SPTLC2: variants seen among roughly 807,000 people sequenced by gnomAD.
SPTLC2 encodes the protein serine palmitoyltransferase long chain base subunit 2.
In SPTLC2, 21 loss-of-function variants were observed where a neutral mutation model predicts 62.0. The observed-to-expected ratio is 0.34, with a 90% confidence interval of 0.24 to 0.49. The LOEUF is 0.49. SPTLC2 is among the 20% of genes least tolerant of loss of function. The pLI, the probability that SPTLC2 is intolerant of heterozygous loss-of-function variation, is 0.99. For missense variants in SPTLC2, 511 were observed against 713.0 expected, an observed-to-expected ratio of 0.72 and a Z score of 3.23; for synonymous variants, 261 against 261.8, an observed-to-expected ratio of 1.00 and a Z score of 0.03.
At chr14:77,560,670 A>G (rs1306499177) in intron 6 of SPTLC2, among the ~76,000 whole-genome samples, 1 of 151,926 alleles carries the variant, frequency 6.6e-6, no homozygotes, top group Non-Finnish European at 1.5e-5. Context: ...ATGGAATACT[A>G]TGTAGCCATA....
At chr14:77,517,348 G>A (rs1418986424) in intron 11 of SPTLC2, among the ~76,000 whole-genome samples, 2 of 152,120 alleles carry the variant, frequency 1.3e-5, no homozygotes, top group Non-Finnish European at 2.9e-5. Context: ...ACTCCCAGAT[G>A]GCAATAATGA....
chr14:77,557,621 G>A (rs757970269), intron 6 of SPTLC2, among the ~76,000 whole-genome samples: 2 of 152,184 alleles, frequency 1.3e-5, no homozygotes, highest in East Asian at 1.9e-4. Context: ...TTCACAGTGC[G>A]TGCTCCATTT....
chr14:77,517,670 G>A (rs1212087006), intron 11 of SPTLC2, among the ~76,000 whole-genome samples: 1 of 152,202 alleles, frequency 6.6e-6, no homozygotes, highest in Non-Finnish European at 1.5e-5. Flanking sequence ...CCTTTAAATG[G>A]AGATGTGAAG....
At chr14:77,566,160 C>A (rs2079643862) in intron 5 of SPTLC2, among the ~76,000 whole-genome samples, 1 of 151,876 alleles carries the variant, frequency 6.6e-6, no homozygotes. Context: ...TTTTTTCTGG[C>A]AAAAAGGAAC....
intron 2 of SPTLC2, among the ~76,000 whole-genome samples, chr14:77,588,323 CTTAAA>C (rs915527308): frequency 4.9e-4 from 75 of 152,256 alleles, no homozygotes; most frequent in Admixed American, 4.5e-3. Context: ...TGTTTCAAAA[CTTAAA>C]TTAAGAATTT....
chr14:77,578,790 A>G (rs896597255), intron 3 of SPTLC2, 165 bp downstream of exon 3: 6 of 665,122 alleles, frequency 9.0e-6, no homozygotes, highest in Non-Finnish European at 1.5e-5. Flanking sequence ...AGAAAGATAT[A>G]TCTTAAAAAG....
intron 10 of SPTLC2, among the ~76,000 whole-genome samples, chr14:77,520,763 G>A (rs1000152087): frequency 8.5e-5 from 13 of 152,154 alleles, no homozygotes; most frequent in African/African-American, 2.9e-4. Context: ...AAAGAAGCTG[G>A]TGTAATCTGC....
chr14:77,566,589 C>A (rs150965546), intron 5 of SPTLC2, among the ~76,000 whole-genome samples: 2,114 of 152,108 alleles, frequency 0.014, 62 homozygotes, highest in African/African-American at 0.048. Context: ...CCTCAGCCTC[C>A]CGAGTAGCTG....
intron 1 of SPTLC2, among the ~76,000 whole-genome samples, 165 bp from the exon 2 acceptor site, chr14:77,597,545 C>A (rs530332088): frequency 1.3e-5 from 2 of 151,920 alleles, no homozygotes; most frequent in Admixed American, 1.3e-4. Context: ...GAGGCTGAGG[C>A]GGGCAGATCA....
At chr14:77,519,237 AC>A (rs534420610) in intron 10 of SPTLC2, among the ~76,000 whole-genome samples, 56 of 151,918 alleles carry the variant, frequency 3.7e-4, no homozygotes, top group African/African-American at 1.3e-3. Context: ...ACGGGGTTTC[AC>A]CATGTTGGCC....
chr14:77,566,183 GCC>G, intron 5 of SPTLC2, among the ~76,000 whole-genome samples: 1 of 106,008 alleles, frequency 9.4e-6, no homozygotes, highest in Non-Finnish European at 2.1e-5. Flanking sequence ...TTTTTAGACA[GCC>G]TTTTTTAGAC....
chr14:77,538,714 G>T (rs2079483666), intron 9 of SPTLC2, among the ~76,000 whole-genome samples: 2 of 152,108 alleles, frequency 1.3e-5, no homozygotes, highest in Admixed American at 1.3e-4. Flanking sequence ...GGGATTACAG[G>T]CATGCGTCAC....
At chr14:77,579,306 G>A (rs976328222) in intron 2 of SPTLC2, among the ~76,000 whole-genome samples, 197 bp from the exon 3 acceptor site, 1 of 152,160 alleles carries the variant, frequency 6.6e-6, no homozygotes, top group Non-Finnish European at 1.5e-5. Flanking sequence ...TACCCATTAA[G>A]TAATTTCTCA....
rs1208421770 is a variant in SPTLC2 at position 77,534,216 on chromosome 14, A to ACACACACACACACACG, written c.1304-12636_1304-12635insCGTGTGTGTGTGTGTG. Among the ~76,000 whole-genome samples, 17 of 146,478 alleles carry ACACACACACACACACG rather than the reference A, an allele frequency of 1.2e-4. 1 individual carries two copies. Among genetic ancestry groups the ACACACACACACACACG allele is most frequent in the Non-Finnish European group, 2.0e-4 (13 of 66,458 alleles). The stretch of plus-strand genomic sequence containing the variant: ...CACACACACACACACACACACACAC[A>ACACACACACACACACG]CACAAATGCATATCTATAAAAAGTC... On this transcript the variant is annotated intron_variant, in intron 9 of 11. Transcript: ENST00000216484.
chr14:77,564,410 C>T (rs909327332), intron 5 of SPTLC2, among the ~76,000 whole-genome samples: 15 of 15,150 alleles, frequency 9.9e-4, no homozygotes, highest in Non-Finnish European at 2.7e-3. Context: ...TACACACACA[C>T]ACACACACAC....
chr14:77,613,801 G>C (rs911297201), intron 1 of SPTLC2, among the ~76,000 whole-genome samples: 3 of 152,124 alleles, frequency 2.0e-5, no homozygotes, highest in African/African-American at 7.2e-5. Context: ...CCAGAAAGAG[G>C]GGAAAGATAG....
At chr14:77,598,967 A>G (rs974269955) in intron 1 of SPTLC2, among the ~76,000 whole-genome samples, 10 of 152,136 alleles carry the variant, frequency 6.6e-5, no homozygotes, top group Admixed American at 3.9e-4. Context: ...AAGTAAAAAG[A>G]AAGTGAAACC....
intron 9 of SPTLC2, among the ~76,000 whole-genome samples, chr14:77,535,273 A>G (rs2079463516): frequency 6.6e-6 from 1 of 152,194 alleles, no homozygotes; most frequent in African/African-American, 2.4e-5. Flanking sequence ...CAAAAAGCAC[A>G]CCCAGCATAT....
intron 9 of SPTLC2, among the ~76,000 whole-genome samples, chr14:77,545,642 A>C (rs573936860): frequency 6.6e-6 from 1 of 152,212 alleles, no homozygotes; most frequent in East Asian, 1.9e-4. Flanking sequence ...TATCTGCTAT[A>C]AAGTTGGGGA....
Sources: gnomAD v4.1 joint callset for allele counts (sites outside exome capture counted in the v4.1 genomes callset) on GRCh38, gnomAD v4.1.1 for gene constraint, MANE v1.5 for transcripts, NCBI Gene and HGNC (gene_info 2026-07-23, HGNC 2026-07-21) for gene names.